ADAMTS6: variants seen among roughly 807,000 people sequenced by gnomAD.
ADAMTS6 encodes the protein A disintegrin and metalloproteinase with thrombospondin motifs 6.
A neutral mutation model predicts 144.3 loss-of-function variants in ADAMTS6; 23 were observed. The observed-to-expected ratio is 0.16, with a 90% confidence interval of 0.11 to 0.23. ADAMTS6 has a LOEUF of 0.23. ADAMTS6 is among the 10% of genes least tolerant of loss of function. The probability of loss-of-function intolerance (pLI) is 1.00; values close to 1 mark genes in which losing one functional copy is unlikely to be tolerated. For missense variants in ADAMTS6, 999 were observed against 1,379.6 expected, an observed-to-expected ratio of 0.72 and a Z score of 4.37; for synonymous variants, 444 against 457.5, an observed-to-expected ratio of 0.97 and a Z score of 0.38.
At chr5:65,289,452 G>A (rs1742070584) in intron 11 of ADAMTS6, among the ~76,000 whole-genome samples, 1 of 152,116 alleles carries the variant, frequency 6.6e-6, no homozygotes, top group African/African-American at 2.4e-5. Context: ...GAATAACCTA[G>A]GAGGTGGAGG....
chr5:65,296,274 G>A (rs550146375), intron 10 of ADAMTS6, among the ~76,000 whole-genome samples: 1 of 152,262 alleles, frequency 6.6e-6, no homozygotes, highest in South Asian at 2.1e-4. Context: ...TCTACAGTAA[G>A]TCAACTGTCT....
At chr5:65,351,978 T>C (rs1748895115) in intron 7 of ADAMTS6, among the ~76,000 whole-genome samples, 1 of 152,208 alleles carries the variant, frequency 6.6e-6, no homozygotes, top group Non-Finnish European at 1.5e-5. Context: ...ATATGAATTA[T>C]ATAGCATACA....
chr5:65,334,340 C>T lies in ADAMTS6; in HGVS notation c.1074-255G>A, dbSNP rs192855478. Among the ~76,000 whole-genome samples the T allele has an allele frequency of 4.6e-5, 7 of 152,280 alleles. No homozygotes were observed. In the East Asian group the frequency reaches 9.6e-4, roughly 21 times the overall value. Reference sequence around the variant, plus strand: ...AAAGGTTAAAGTGGATTTTTGTAATCGCAAGTTCCATAAAACGATCTGCCA... The same window carrying T: ...AAAGGTTAAAGTGGATTTTTGTAATTGCAAGTTCCATAAAACGATCTGCCA... On this transcript the variant is annotated intron_variant, in intron 7 of 24. Coordinates refer to ENST00000381055, the MANE Select transcript of ADAMTS6 (RefSeq NM_197941.4).
At chr5:65,306,429 G>A (rs1047534071) in intron 9 of ADAMTS6, among the ~76,000 whole-genome samples, 3 of 152,056 alleles carry the variant, frequency 2.0e-5, no homozygotes, top group African/African-American at 7.2e-5. Context: ...ATTTATTCCC[G>A]CAATTGCTTT....
At chr5:65,347,565 G>C (rs1272512489) in intron 7 of ADAMTS6, among the ~76,000 whole-genome samples, 1 of 151,842 alleles carries the variant, frequency 6.6e-6, no homozygotes, top group Non-Finnish European at 1.5e-5. Context: ...AAAAACATAG[G>C]AGAAAAGCTC....
chr5:65,175,084 C>T (rs1753885004), intron 22 of ADAMTS6, among the ~76,000 whole-genome samples: 1 of 151,962 alleles, frequency 6.6e-6, no homozygotes, highest in African/African-American at 2.4e-5. Flanking sequence ...ATACATAGAC[C>T]CTTGGTTACA....
intron 7 of ADAMTS6, among the ~76,000 whole-genome samples, chr5:65,391,533 C>A (rs1291723859): frequency 1.3e-5 from 2 of 151,890 alleles, no homozygotes; most frequent in Non-Finnish European, 2.9e-5. Flanking sequence ...CCACTTAATG[C>A]ATACCTTAAT....
At chr5:65,175,838 A>C (rs1753941168) in intron 22 of ADAMTS6, among the ~76,000 whole-genome samples, 1 of 151,610 alleles carries the variant, frequency 6.6e-6, no homozygotes, top group Admixed American at 6.6e-5. Flanking sequence ...CCTTCAGGAC[A>C]GGACAATCGA....
chr5:65,335,583 G>T (rs1747225095), intron 7 of ADAMTS6, among the ~76,000 whole-genome samples: 1 of 152,052 alleles, frequency 6.6e-6, no homozygotes, highest in Admixed American at 6.5e-5. Flanking sequence ...AAGTTCCACA[G>T]TGCCCTTCCT....
intron 7 of ADAMTS6, among the ~76,000 whole-genome samples, chr5:65,341,962 T>A (rs563394629): frequency 5.0e-4 from 76 of 152,116 alleles, no homozygotes; most frequent in African/African-American, 1.7e-3. Context: ...GCAAACCAAA[T>A]ACAACAGCAC....
chr5:65,228,741 G>C (rs1363658686), intron 15 of ADAMTS6, among the ~76,000 whole-genome samples: 1 of 152,224 alleles, frequency 6.6e-6, no homozygotes, highest in Non-Finnish European at 1.5e-5. Flanking sequence ...AGGGGAAAGT[G>C]AGAGTATAGA....
intron 7 of ADAMTS6, among the ~76,000 whole-genome samples, chr5:65,381,159 AT>A (rs1218463861): frequency 1.3e-5 from 2 of 152,176 alleles, no homozygotes; most frequent in Admixed American, 1.3e-4. Flanking sequence ...ATACTAAATG[AT>A]TCTCTCTCTT....
chr5:65,190,142 A>G (rs1217030810), intron 21 of ADAMTS6, among the ~76,000 whole-genome samples: 1 of 152,240 alleles, frequency 6.6e-6, no homozygotes, highest in Admixed American at 6.5e-5. Context: ...GAAAACCAGC[A>G]TTTAGAAATA....
intron 7 of ADAMTS6, among the ~76,000 whole-genome samples, chr5:65,365,839 G>A (rs1372301574): frequency 3.3e-5 from 5 of 151,988 alleles, no homozygotes; most frequent in Middle Eastern, 3.2e-3. Flanking sequence ...ATTTTACAAA[G>A]TAAAATGTGT....
intron 10 of ADAMTS6, among the ~76,000 whole-genome samples, chr5:65,292,174 G>A (rs7705742): frequency 0.58 from 88,319 of 151,784 alleles, 26,686 homozygotes; most frequent in African/African-American, 0.76. Context: ...TAACATAAAG[G>A]TCGCCAAAAC....
At chr5:65,324,312 A>T (rs1228749002) in intron 9 of ADAMTS6, among the ~76,000 whole-genome samples, 4 of 152,192 alleles carry the variant, frequency 2.6e-5, no homozygotes, top group African/African-American at 7.2e-5. Context: ...CATAGATCTA[A>T]ATATAAAAGC....
rs142957669 is a variant in ADAMTS6 at position 65,214,427 on chromosome 5, A to G, written c.2575+367T>C. On this transcript the variant is annotated intron_variant, in intron 20 of 24. Transcript: ENST00000381055. This position sits in a 1 kb window ranked among gnomAD's most constrained non-coding sequence, Gnocchi z 4.6. ...GCCGTACATTCTCATCTCCCATTAC[A>G]AGAAGTTGCATCTGTGATGTCTGAT... 568 of 354,442 alleles carry G rather than the reference A, an allele frequency of 1.6e-3. 4 individuals are homozygous for G. The highest frequency in any genetic ancestry group is 0.011 in the African/African-American group (503 of 47,098). 22.0% of individuals were successfully genotyped at this position (354,442 alleles called of 1,614,324 possible).
At chr5:65,160,306 TTTC>T (rs1327719662) in intron 24 of ADAMTS6, among the ~76,000 whole-genome samples, 2 of 147,204 alleles carry the variant, frequency 1.4e-5, no homozygotes, top group African/African-American at 5.2e-5. Context: ...CTTCTCCGAC[TTTC>T]TTTTTTTTTT....
chr5:65,283,853 C>T (rs1763167811), intron 11 of ADAMTS6, among the ~76,000 whole-genome samples: 1 of 152,088 alleles, frequency 6.6e-6, no homozygotes, highest in African/African-American at 2.4e-5. Flanking sequence ...ATTTTATGCT[C>T]TTGGTAGGGA....
Sources: gnomAD v4.1 joint callset for allele counts (sites outside exome capture counted in the v4.1 genomes callset) on GRCh38, gnomAD v4.1.1 for gene constraint, Gnocchi (gnomAD v3.1) non-coding constraint, MANE v1.5 for transcripts, NCBI Gene and HGNC (gene_info 2026-07-23, HGNC 2026-07-21) for gene names.